MYO1E: variants seen among roughly 807,000 people sequenced by gnomAD.
MYO1E encodes myosin IE.
A neutral mutation model predicts 151.1 loss-of-function variants in MYO1E; 68 were observed. That is an observed-to-expected ratio of 0.45 (90% CI 0.37 to 0.55). The LOEUF (loss-of-function observed/expected upper bound fraction) is 0.55. Among genes scored for constraint, MYO1E ranks in the 20% least tolerant of loss-of-function variants. The probability of loss-of-function intolerance (pLI) is 0.00; values close to 1 mark genes in which losing one functional copy is unlikely to be tolerated. For missense variants in MYO1E, 1,363 were observed against 1,389.3 expected (o/e 0.98, Z 0.30); for synonymous variants, 601 against 501.7 (o/e 1.20, Z -2.64).
chr15:59,194,548 C>G (rs141409577), intron 17 of MYO1E, among the ~76,000 whole-genome samples: 8 of 152,186 alleles, frequency 5.3e-5, no homozygotes, highest in East Asian at 1.9e-4. Context: ...GTTCTTCACT[C>G]GACACCTAAA....
intron 1 of MYO1E, among the ~76,000 whole-genome samples, chr15:59,347,255 G>A (rs1332239698): frequency 6.6e-6 from 1 of 152,144 alleles, no homozygotes; most frequent in African/African-American, 2.4e-5. Context: ...CCGAATATAC[G>A]CAGGATCCAG....
chr15:59,335,224 A>C (rs924914335), intron 1 of MYO1E, among the ~76,000 whole-genome samples: 4 of 152,342 alleles, frequency 2.6e-5, no homozygotes, highest in African/African-American at 9.6e-5. Flanking sequence ...TTCAAATTTA[A>C]GAAGAATAAA....
intron 4 of MYO1E, among the ~76,000 whole-genome samples, chr15:59,248,718 T>TG (rs1249999167): frequency 6.6e-6 from 1 of 151,896 alleles, no homozygotes; most frequent in African/African-American, 2.4e-5. Context: ...ACAGCAGAGA[T>TG]GGGGGGTTTT....
At chr15:59,201,314 G>A (rs1247300266) in intron 16 of MYO1E, among the ~76,000 whole-genome samples, 7 of 151,300 alleles carry the variant, frequency 4.6e-5, no homozygotes, top group Admixed American at 4.6e-4. Flanking sequence ...GGTTGGTCTC[G>A]AACTCCTGGG....
In MYO1E at chr15:59,224,660, A is replaced by T. The variant is rs1441204911; in HGVS notation, c.777+29T>A. ...AGGAAATGGCCAGTTGGGAGAGCAG[A>T]TCCTGCCTGGCCCTGCGCCAGCACT... On this transcript the variant is annotated intron_variant, in intron 8 of 27. Coordinates refer to ENST00000288235, the MANE Select transcript of MYO1E (RefSeq NM_004998.4). 3 of 1,613,950 alleles carry T rather than the reference A, an allele frequency of 1.9e-6. No homozygotes were observed. The African/African-American group carries it at 4.0e-5, about 22-fold the overall frequency.
chr15:59,150,614 A>T (rs1158821510), intron 26 of MYO1E, among the ~76,000 whole-genome samples: 1 of 152,164 alleles, frequency 6.6e-6, no homozygotes, highest in African/African-American at 2.4e-5. Context: ...TGACTTAGTG[A>T]TGCTCACCCA....
In MYO1E at chr15:59,214,218, G is replaced by T; in HGVS notation, c.1275+10C>A. The T allele has an allele frequency of 6.3e-7, 1 of 1,595,300 alleles. No homozygotes were observed. The highest frequency in any genetic ancestry group is 8.6e-7 in the Non-Finnish European group (1 of 1,164,350). On this transcript the variant is annotated intron_variant, in intron 12 of 27. Transcript: ENST00000288235. ...AAATAGAATAGGATGAAGGAAGAGG[G>T]ACTGCTTACCTGTTCTGCCTTTAAT...
chr15:59,241,174 C>A (rs538494314), intron 4 of MYO1E, among the ~76,000 whole-genome samples: 1 of 152,120 alleles, frequency 6.6e-6, no homozygotes, highest in Non-Finnish European at 1.5e-5. Context: ...CTGAGCCATA[C>A]ATAAGAGGCA....
intron 1 of MYO1E, among the ~76,000 whole-genome samples, chr15:59,289,881 C>G (rs726554): frequency 0.52 from 78,312 of 151,968 alleles, 21,301 homozygotes; most frequent in Middle Eastern, 0.67. Flanking sequence ...GAAATTTTTG[C>G]ATTTCCTTCT....
chr15:59,310,240 G>A (rs973114214), intron 1 of MYO1E, among the ~76,000 whole-genome samples: 2 of 152,152 alleles, frequency 1.3e-5, no homozygotes, highest in Non-Finnish European at 2.9e-5. Context: ...CTGCCCCCTT[G>A]AGTCCTAAAA....
intron 1 of MYO1E, among the ~76,000 whole-genome samples, chr15:59,307,120 G>A (rs1376240408): frequency 6.6e-6 from 1 of 152,202 alleles, no homozygotes; most frequent in East Asian, 1.9e-4. Flanking sequence ...CAGGCCTAAC[G>A]AGATCATCAT....
chr15:59,297,991 T>C (rs1404524167), intron 1 of MYO1E, among the ~76,000 whole-genome samples: 1 of 152,212 alleles, frequency 6.6e-6, no homozygotes, highest in Admixed American at 6.5e-5. Context: ...CATTTTTGAC[T>C]AGAATTCTAG....
intron 26 of MYO1E, among the ~76,000 whole-genome samples, chr15:59,151,487 C>T (rs1196329590): frequency 6.6e-6 from 1 of 152,084 alleles, no homozygotes; most frequent in Non-Finnish European, 1.5e-5. Context: ...ATTTGTAGCC[C>T]AAATGAAGTG....
chr15:59,346,300 T>A (rs1489716341), intron 1 of MYO1E, among the ~76,000 whole-genome samples: 1 of 152,090 alleles, frequency 6.6e-6, no homozygotes, highest in Non-Finnish European at 1.5e-5. Flanking sequence ...CAGACTCAGC[T>A]CCTTCTGCAA....
intron 1 of MYO1E, among the ~76,000 whole-genome samples, chr15:59,339,749 C>A (rs999166728): frequency 6.6e-6 from 1 of 152,142 alleles, no homozygotes; most frequent in Non-Finnish European, 1.5e-5. Context: ...AGCAGTTTTG[C>A]GGCCAAGGCC....
In MYO1E at chr15:59,151,778, G is replaced by T. The variant is rs566815046; in HGVS notation, c.3080+1812C>A. Among the ~76,000 whole-genome samples the T allele has an allele frequency of 4.6e-5, 7 of 151,948 alleles. No individual in the cohort carries two copies. In the East Asian group the frequency reaches 1.4e-3, roughly 29 times the overall value. ...AAGTAAAAAAATTAGGCTGGGTGCG[G>T]TGGCTCACATCTTAATTCCAGCACT... On this transcript the variant is annotated intron_variant, in intron 26 of 27. Coordinates refer to ENST00000288235, the MANE Select transcript of MYO1E (RefSeq NM_004998.4).
At chr15:59,214,754 T>C (rs759032378) in intron 10 of MYO1E, 34 bp from the exon 11 acceptor site, 14 of 1,533,562 alleles carry the variant, frequency 9.1e-6, no homozygotes, top group Non-Finnish European at 1.3e-5. Flanking sequence ...AGTGAACTCC[T>C]TTCCATTCAT....
At chr15:59,372,422 A>C (rs2080952544) in intron 1 of MYO1E, 76 bp downstream of exon 1, 1 of 1,523,526 alleles carries the variant, frequency 6.6e-7, no homozygotes, top group African/African-American at 1.4e-5. Context: ...AGCGCGCCCA[A>C]GGTGGGTGCA....
intron 1 of MYO1E, among the ~76,000 whole-genome samples, chr15:59,288,958 A>G (rs1246999983): frequency 6.6e-6 from 1 of 152,270 alleles, no homozygotes; most frequent in African/African-American, 2.4e-5. Flanking sequence ...ACAAACAACA[A>G]AGTGGCAGGG....
Sources: gnomAD v4.1 joint callset for allele counts (sites outside exome capture counted in the v4.1 genomes callset) on GRCh38, gnomAD v4.1.1 for gene constraint, MANE v1.5 for transcripts, NCBI Gene and HGNC (gene_info 2026-07-23, HGNC 2026-07-21) for gene names.